Variants in SGCZ observed in about 807,000 individuals in gnomAD.
SGCZ encodes zeta-sarcoglycan.
In SGCZ, 40 loss-of-function variants were observed where a neutral mutation model predicts 41.3. That is an observed-to-expected ratio of 0.97 (90% CI 0.75 to 1.26). SGCZ has a LOEUF of 1.26. Among genes scored for constraint, SGCZ ranks in the 50% most tolerant of loss-of-function variants. The pLI, the probability that SGCZ is intolerant of heterozygous loss-of-function variation, is 0.00. For synonymous variants in SGCZ, 206 were observed against 137.5 expected, an observed-to-expected ratio of 1.50 and a Z score of -3.49; for missense variants, 552 against 369.8, an observed-to-expected ratio of 1.49 and a Z score of -4.04.
At position 14,102,463 on chromosome 8, in the gene SGCZ, A is replaced by C; in HGVS notation, c.657T>G (p.Ala219=). ...CAGCACTCACCTGGACCCCACGGGG[A>C]GCTTCCATGATCAAGGATCTGGTGG... is the stretch of plus-strand genomic sequence containing the variant. ...ESPTRSLIME[A]PRGVQVSAAA... Residue 219 remains alanine, a synonymous_variant, in exon 7 of 8, where the codon GCT becomes GCG. Coordinates refer to ENST00000382080, the MANE Select transcript of SGCZ (RefSeq NM_139167.4). The C allele has an allele frequency of 6.7e-7, 1 of 1,497,274 alleles. No homozygotes were observed. The highest frequency in any genetic ancestry group is 9.0e-7 in the Non-Finnish European group (1 of 1,107,408). The allele number at this position is 1,497,274 out of a possible 1,614,324, so 92.7% of individuals were successfully genotyped here. A position where few individuals can be genotyped will look rare whatever the true frequency, so the allele number is the denominator to read the frequency against.
chr8:14,298,265 A>G (rs191480138), intron 3 of SGCZ, among the ~76,000 whole-genome samples: 2 of 152,148 alleles, frequency 1.3e-5, no homozygotes, highest in Admixed American at 1.3e-4. Context: ...TACTGAATAG[A>G]AAAGACTAAA....
intron 1 of SGCZ, among the ~76,000 whole-genome samples, chr8:14,666,397 C>T (rs561078160): frequency 1.2e-4 from 19 of 152,280 alleles, no homozygotes; most frequent in African/African-American, 4.6e-4. Flanking sequence ...TAATATTCCT[C>T]ATTTTATGAT....
At chr8:14,117,003 T>A (rs1802543615) in intron 5 of SGCZ, among the ~76,000 whole-genome samples, 1 of 152,094 alleles carries the variant, frequency 6.6e-6, no homozygotes, top group Non-Finnish European at 1.5e-5. Context: ...TACAGGGAAG[T>A]CCAAGCATCT....
At chr8:14,587,374 T>TA (rs200503901) in intron 1 of SGCZ, among the ~76,000 whole-genome samples, 11,408 of 138,428 alleles carry the variant, frequency 0.082, 1,181 homozygotes, top group African/African-American at 0.25. Flanking sequence ...CATTTGGAGC[T>TA]AAAAAAAAAA....
chr8:14,183,449 G>A (rs1238179586), intron 4 of SGCZ, among the ~76,000 whole-genome samples: 3 of 152,040 alleles, frequency 2.0e-5, no homozygotes, highest in Non-Finnish European at 4.4e-5. Context: ...GATAGTACAT[G>A]AAATAAAAAT....
intron 1 of SGCZ, among the ~76,000 whole-genome samples, chr8:14,876,593 T>A (rs1374935411): frequency 6.6e-6 from 1 of 152,144 alleles, no homozygotes; most frequent in Non-Finnish European, 1.5e-5. Context: ...GTATGAAATA[T>A]CTCGCCGTAA....
chr8:14,277,284 C>A (rs780704441), intron 3 of SGCZ, among the ~76,000 whole-genome samples: 1 of 152,222 alleles, frequency 6.6e-6, no homozygotes, highest in South Asian at 2.1e-4. Flanking sequence ...GAAGAGATTG[C>A]TAATTGGGTC....
chr8:14,861,164 A>G (rs1002198332), intron 1 of SGCZ, among the ~76,000 whole-genome samples: 1 of 152,152 alleles, frequency 6.6e-6, no homozygotes, highest in Non-Finnish European at 1.5e-5. Flanking sequence ...ACTTACCCCA[A>G]ATGGAGAAAA....
chr8:14,614,446 G>A (rs1806029809), intron 1 of SGCZ, among the ~76,000 whole-genome samples: 2 of 152,004 alleles, frequency 1.3e-5, no homozygotes, highest in African/African-American at 2.4e-5. Flanking sequence ...CATTAACAGG[G>A]TACACATGAT....
chr8:14,420,080 T>C (rs186897642), intron 2 of SGCZ, among the ~76,000 whole-genome samples: 126 of 152,200 alleles, frequency 8.3e-4, no homozygotes, highest in Middle Eastern at 3.4e-3. Context: ...TCATTCTATT[T>C]ATTGCATTCT....
At chr8:14,160,704 T>C (rs1804018510) in intron 5 of SGCZ, among the ~76,000 whole-genome samples, 1 of 152,120 alleles carries the variant, frequency 6.6e-6, no homozygotes, top group African/African-American at 2.4e-5. Context: ...GGTGTTCAGG[T>C]ATGTGTTTAC....
intron 3 of SGCZ, among the ~76,000 whole-genome samples, chr8:14,295,919 T>C (rs1800996055): frequency 6.6e-6 from 1 of 152,042 alleles, no homozygotes; most frequent in Non-Finnish European, 1.5e-5. Flanking sequence ...TAGCCAAACA[T>C]AAAGTAGCAC....
At chr8:14,717,140 T>C (rs1385392077) in intron 1 of SGCZ, among the ~76,000 whole-genome samples, 2 of 152,130 alleles carry the variant, frequency 1.3e-5, no homozygotes, top group Non-Finnish European at 2.9e-5. Context: ...ACAATTAGAT[T>C]ACTCAATATT....
intron 2 of SGCZ, among the ~76,000 whole-genome samples, chr8:14,504,477 A>C (rs1408179578): frequency 1.3e-5 from 2 of 151,826 alleles, no homozygotes; most frequent in African/African-American, 4.8e-5. Context: ...CACCTGCTTC[A>C]CTCTATTGGT....
At chr8:15,128,961 A>G (rs1387453998) in intron 1 of SGCZ, among the ~76,000 whole-genome samples, 1 of 152,126 alleles carries the variant, frequency 6.6e-6, no homozygotes, top group Non-Finnish European at 1.5e-5. Context: ...GGTGAATTCC[A>G]GCCATGTTTA....
At chr8:14,162,025 C>G (rs918654008) in intron 5 of SGCZ, among the ~76,000 whole-genome samples, 5 of 152,074 alleles carry the variant, frequency 3.3e-5, no homozygotes, top group African/African-American at 1.2e-4. Context: ...AGCAGAAAAA[C>G]TTAGATTTTT....
At chr8:15,014,880 A>C (rs1408527126) in intron 1 of SGCZ, among the ~76,000 whole-genome samples, 2 of 152,194 alleles carry the variant, frequency 1.3e-5, no homozygotes, top group Non-Finnish European at 2.9e-5. Flanking sequence ...TTTAGGCAAA[A>C]ATAAGCTGGC....
intron 4 of SGCZ, among the ~76,000 whole-genome samples, chr8:14,182,652 A>C (rs1406482771): frequency 6.6e-6 from 1 of 152,230 alleles, no homozygotes; most frequent in Non-Finnish European, 1.5e-5. Context: ...TAATGAAATG[A>C]AATATAGCAT....
intron 3 of SGCZ, among the ~76,000 whole-genome samples, chr8:14,297,800 A>T (rs1161468040): frequency 2.6e-5 from 4 of 152,124 alleles, no homozygotes; most frequent in African/African-American, 7.2e-5. Context: ...AATGAAAAGT[A>T]TAAGCACAAG....
Sources: allele counts gnomAD v4.1 joint callset (sites outside exome capture counted in the v4.1 genomes callset), GRCh38; gene constraint gnomAD v4.1.1; transcripts MANE v1.5; gene names NCBI Gene and HGNC (gene_info 2026-07-23, HGNC 2026-07-21).